The following KCTD1 variants were observed in gnomAD, a reference collection of about 807,000 sequenced individuals.
KCTD1 encodes BTB/POZ domain-containing protein KCTD1.
Under a neutral mutation model 66.0 loss-of-function variants are expected in KCTD1, and 24 were observed. That is an observed-to-expected ratio of 0.36 (90% CI 0.26 to 0.51). The LOEUF (loss-of-function observed/expected upper bound fraction) is 0.51. Among genes scored for constraint, KCTD1 ranks in the 20% least tolerant of loss-of-function variants. KCTD1 has a pLI of 0.95. For synonymous variants in KCTD1, 511 were observed against 517.2 expected (o/e 0.99, Z 0.16); for missense variants, 943 against 1,205.2 (o/e 0.78, Z 3.22).
intron 1 of KCTD1, among the ~76,000 whole-genome samples, chr18:26,605,739 T>TCTATCTAC (rs1462676308): frequency 6.7e-6 from 1 of 148,244 alleles, no homozygotes; most frequent in African/African-American, 2.5e-5. Flanking sequence ...TATCTATCTA[T>TCTATCTAC]CTATCTATCT....
At chr18:26,583,066 T>C (rs1986391813) in intron 1 of KCTD1, among the ~76,000 whole-genome samples, 1 of 147,774 alleles carries the variant, frequency 6.8e-6, no homozygotes, top group Admixed American at 6.8e-5. Context: ...AGTAGATAGA[T>C]GGTAATTTAA....
intron 1 of KCTD1, among the ~76,000 whole-genome samples, chr18:26,577,994 G>GT (rs1274405144): frequency 6.6e-6 from 1 of 151,222 alleles, no homozygotes; most frequent in Non-Finnish European, 1.5e-5. Context: ...GGCCATCACT[G>GT]TAACTCACTG....
intron 1 of KCTD1, among the ~76,000 whole-genome samples, chr18:26,648,939 G>A (rs1405964422): frequency 6.6e-6 from 1 of 152,238 alleles, no homozygotes; most frequent in African/African-American, 2.4e-5. Flanking sequence ...TTGAAAAACA[G>A]TCTGGCACTT....
At chr18:26,615,481 G>A (rs567729724) in intron 1 of KCTD1, among the ~76,000 whole-genome samples, 12 of 152,322 alleles carry the variant, frequency 7.9e-5, no homozygotes, top group Admixed American at 1.3e-4. Flanking sequence ...TGAGCATTTT[G>A]ATGTGCAAAT....
chr18:26,627,510 T>C (rs531114845), intron 1 of KCTD1, among the ~76,000 whole-genome samples: 79 of 152,276 alleles, frequency 5.2e-4, no homozygotes, highest in African/African-American at 1.8e-3. Flanking sequence ...GACAATATAG[T>C]TCAATTGTGC....
chr18:26,561,501 A>G (rs1985847889), intron 1 of KCTD1, among the ~76,000 whole-genome samples: 1 of 152,108 alleles, frequency 6.6e-6, no homozygotes, highest in Admixed American at 6.5e-5. Flanking sequence ...CTCTGCTTGC[A>G]TGTCAAGCAG....
chr18:26,541,461 TTA>T (rs1219022209), intron 1 of KCTD1, among the ~76,000 whole-genome samples: 1 of 152,228 alleles, frequency 6.6e-6, no homozygotes, highest in Non-Finnish European at 1.5e-5. Flanking sequence ...TGGGCAAAAT[TTA>T]TGATATCCAC....
chr18:26,535,784 A>G (rs372728929), intron 1 of KCTD1, among the ~76,000 whole-genome samples: 2 of 152,090 alleles, frequency 1.3e-5, no homozygotes, highest in South Asian at 2.1e-4. Context: ...TGGAACCAGA[A>G]CTTTAACTTT....
At chr18:26,502,249 C>T (rs1429532971) in intron 1 of KCTD1, among the ~76,000 whole-genome samples, 1 of 152,196 alleles carries the variant, frequency 6.6e-6, no homozygotes, top group African/African-American at 2.4e-5. Flanking sequence ...CGGGGTTTCA[C>T]CGTGTTAGCC....
At chr18:26,595,654 C>G (rs1032771112) in intron 1 of KCTD1, among the ~76,000 whole-genome samples, 1 of 152,228 alleles carries the variant, frequency 6.6e-6, no homozygotes, top group Non-Finnish European at 1.5e-5. Context: ...CTACCTGAGG[C>G]TCATCACTGC....
chr18:26,482,452 A>G (rs549866866), intron 2 of KCTD1, among the ~76,000 whole-genome samples: 1 of 152,214 alleles, frequency 6.6e-6, no homozygotes, highest in Non-Finnish European at 1.5e-5. Flanking sequence ...TGGGAAGAGT[A>G]GTACACATGA....
chr18:26,559,013 T>C (rs1347917107), intron 1 of KCTD1, among the ~76,000 whole-genome samples: 2 of 151,904 alleles, frequency 1.3e-5, no homozygotes, highest in African/African-American at 4.8e-5. Context: ...GGGGTCATTA[T>C]GTTAAGTGAA....
chr18:26,600,095 C>T (rs899150591), intron 1 of KCTD1: 1 of 1,610,862 alleles, frequency 6.2e-7, no homozygotes, highest in Non-Finnish European at 8.5e-7. Flanking sequence ...GATCCGGCTT[C>T]CCTGCAGGCT....
intron 1 of KCTD1, among the ~76,000 whole-genome samples, chr18:26,645,754 A>G (rs1317743185): frequency 2.6e-5 from 4 of 152,098 alleles, no homozygotes; most frequent in Admixed American, 1.3e-4. Flanking sequence ...CTTTACCCCT[A>G]AAACAGAGGT....
chr18:26,597,103 T>C (rs1986783530), intron 1 of KCTD1, among the ~76,000 whole-genome samples: 2 of 151,586 alleles, frequency 1.3e-5, no homozygotes, highest in African/African-American at 4.8e-5. Flanking sequence ...GTTGTAGGAA[T>C]AGGAGTCCCA....
At chr18:26,510,175 C>T (rs1251028161) in intron 1 of KCTD1, among the ~76,000 whole-genome samples, 2 of 152,174 alleles carry the variant, frequency 1.3e-5, no homozygotes, top group Non-Finnish European at 1.5e-5. Flanking sequence ...ATTGATGTAA[C>T]ACAGTATTAC....
chr18:26,647,037 T>C (rs1987937055), intron 1 of KCTD1, among the ~76,000 whole-genome samples: 1 of 152,202 alleles, frequency 6.6e-6, no homozygotes, highest in East Asian at 1.9e-4. Context: ...TGAACTCCTG[T>C]GGCTATTTCT....
chr18:26,462,782 A>G (rs921450775), intron 3 of KCTD1, among the ~76,000 whole-genome samples: 2 of 152,208 alleles, frequency 1.3e-5, no homozygotes, highest in African/African-American at 2.4e-5. Flanking sequence ...GGGATCATTT[A>G]ACTTTACTCT....
At chr18:26,515,222 A>G (rs1447994731) in intron 1 of KCTD1, among the ~76,000 whole-genome samples, 2 of 152,250 alleles carry the variant, frequency 1.3e-5, no homozygotes, top group Non-Finnish European at 2.9e-5. Context: ...ATATGAAGCC[A>G]TCATTTATGA....
Sources: gnomAD v4.1 joint callset for allele counts (sites outside exome capture counted in the v4.1 genomes callset) on GRCh38, gnomAD v4.1.1 for gene constraint, MANE v1.5 for transcripts, NCBI Gene and HGNC (gene_info 2026-07-23, HGNC 2026-07-21) for gene names.